The following GRM7 variants were observed in gnomAD, a reference collection of about 807,000 sequenced individuals.
GRM7 encodes the protein metabotropic glutamate receptor 7.
GRM7 carries 35 observed loss-of-function variants against 84.5 expected under a neutral mutation model. The observed-to-expected ratio is 0.41, with a 90% confidence interval of 0.32 to 0.55. GRM7 has a LOEUF of 0.55. Among genes scored for constraint, GRM7 ranks in the 20% least tolerant of loss-of-function variants. The pLI is 0.19. For missense variants in GRM7, 1,003 were observed against 1,194.6 expected, an observed-to-expected ratio of 0.84 and a Z score of 2.36; for synonymous variants, 487 against 455.1, an observed-to-expected ratio of 1.07 and a Z score of -0.89.
chr3:7,097,389 A>T (rs1460529334), intron 1 of GRM7, among the ~76,000 whole-genome samples: 1 of 152,138 alleles, frequency 6.6e-6, no homozygotes, highest in Non-Finnish European at 1.5e-5. Context: ...AACTGAATTG[A>T]TTATTAAAAA....
In GRM7 at chr3:6,940,775, A is replaced by G. The variant is rs1697864555; in HGVS notation, c.519+78868A>G. On this transcript the variant is annotated intron_variant, in intron 1 of 9. Coordinates refer to ENST00000357716, the MANE Select transcript of GRM7 (RefSeq NM_000844.4). ...CATTTTCTATGTAGCTTGGACATCT[A>G]TTTAACAGTCATATCATCTTCATGT... 2.0e-5 allele frequency among the ~76,000 whole-genome samples: 3 copies of G among 152,226 alleles called. No homozygotes were observed. The South Asian group carries it at 6.2e-4, about 32-fold the overall frequency.
intron 1 of GRM7, among the ~76,000 whole-genome samples, chr3:6,971,160 A>G (rs1019178110): frequency 6.7e-6 from 1 of 150,372 alleles, no homozygotes; most frequent in African/African-American, 2.5e-5. Context: ...AAACTGCAGC[A>G]AAGATGATTC....
At chr3:7,736,781 G>A (rs1702514530) in intron 9 of GRM7, among the ~76,000 whole-genome samples, 1 of 152,012 alleles carries the variant, frequency 6.6e-6, no homozygotes, top group Non-Finnish European at 1.5e-5. Context: ...ATAATATTTT[G>A]TTATATTTTG....
chr3:7,309,686 C>T (rs984123), intron 4 of GRM7, among the ~76,000 whole-genome samples: 18,429 of 152,032 alleles, frequency 0.12, 3,087 homozygotes, highest in African/African-American at 0.38. Context: ...AGATTTATTG[C>T]CTCTTTGAAA....
chr3:7,270,449 TTC>T (rs1698812650), intron 2 of GRM7, among the ~76,000 whole-genome samples: 1 of 152,192 alleles, frequency 6.6e-6, no homozygotes, highest in Non-Finnish European at 1.5e-5. Flanking sequence ...TTGTTAAGCA[TTC>T]ATCTGAAAAT....
At chr3:6,983,230 A>G (rs1451833520) in intron 1 of GRM7, among the ~76,000 whole-genome samples, 1 of 152,184 alleles carries the variant, frequency 6.6e-6, no homozygotes, top group Non-Finnish European at 1.5e-5. Context: ...ACTATCCAAG[A>G]TTGTTTGGAG....
At chr3:7,215,858 T>C (rs910918700) in intron 2 of GRM7, among the ~76,000 whole-genome samples, 3 of 152,130 alleles carry the variant, frequency 2.0e-5, no homozygotes, top group African/African-American at 7.2e-5. Context: ...CACAACGTCT[T>C]AGAAAATTGG....
At chr3:7,083,424 C>T (rs1698335970) in intron 1 of GRM7, among the ~76,000 whole-genome samples, 1 of 152,150 alleles carries the variant, frequency 6.6e-6, no homozygotes, top group South Asian at 2.1e-4. Context: ...TTCCTGTGCA[C>T]TGGGAAACCA....
intron 4 of GRM7, among the ~76,000 whole-genome samples, chr3:7,342,228 C>T (rs1048726748): frequency 2.6e-5 from 4 of 152,128 alleles, no homozygotes; most frequent in African/African-American, 9.7e-5. Context: ...ATTTTCAAGA[C>T]AAAACTATGA....
intron 3 of GRM7, among the ~76,000 whole-genome samples, chr3:7,304,771 A>G (rs962363292): frequency 6.6e-6 from 1 of 152,092 alleles, no homozygotes; most frequent in South Asian, 2.1e-4. Flanking sequence ...GTTCTTGATT[A>G]AAGATATGAT....
chr3:7,032,394 G>A (rs779552875), intron 1 of GRM7, among the ~76,000 whole-genome samples: 6 of 152,166 alleles, frequency 3.9e-5, no homozygotes, highest in Non-Finnish European at 8.8e-5. Flanking sequence ...AAGGTTATGT[G>A]AGCATTAAAG....
chr3:7,411,227 A>G lies in GRM7; in HGVS notation c.1034-3796A>G, dbSNP rs552594675. Among the ~76,000 whole-genome samples the G allele has an allele frequency of 3.3e-5, 5 of 152,332 alleles. No individual in the cohort carries two copies. In the South Asian group the frequency reaches 8.3e-4, roughly 25 times the overall value. On this transcript the variant is annotated intron_variant, in intron 4 of 9. Transcript: ENST00000357716. Reference sequence around the variant, plus strand: ...TTGTGATGTAACTTATTGCAATACAATATTAATATATTTTCCAAATAATTC... The same window carrying G: ...TTGTGATGTAACTTATTGCAATACAGTATTAATATATTTTCCAAATAATTC...
intron 4 of GRM7, among the ~76,000 whole-genome samples, chr3:7,394,994 C>T (rs180853601): frequency 2.7e-4 from 41 of 149,462 alleles, no homozygotes; most frequent in African/African-American, 8.6e-4. Flanking sequence ...GCTGAAATTG[C>T]GCCATTGCAC....
At chr3:7,658,312 A>T (rs565625088) in intron 8 of GRM7, among the ~76,000 whole-genome samples, 1 of 152,278 alleles carries the variant, frequency 6.6e-6, no homozygotes, top group East Asian at 1.9e-4. Context: ...TGAGTACAGA[A>T]TGTTCTAAAA....
intron 4 of GRM7, among the ~76,000 whole-genome samples, chr3:7,401,228 G>A (rs186410733): frequency 4.6e-5 from 7 of 152,078 alleles, no homozygotes; most frequent in African/African-American, 7.2e-5. Flanking sequence ...ATTTTCTTTC[G>A]ATACTGTCGC....
At chr3:7,639,642 A>G (rs1405921060) in intron 8 of GRM7, among the ~76,000 whole-genome samples, 1 of 152,130 alleles carries the variant, frequency 6.6e-6, no homozygotes, top group Non-Finnish European at 1.5e-5. Flanking sequence ...ACCTTTTTAA[A>G]TTAGTGATGC....
At chr3:7,514,901 A>G (rs1031728088) in intron 7 of GRM7, among the ~76,000 whole-genome samples, 23 of 152,186 alleles carry the variant, frequency 1.5e-4, no homozygotes, top group Admixed American at 1.4e-3. Context: ...CTAAAACCTA[A>G]TAGTGTTTGG....
intron 2 of GRM7, among the ~76,000 whole-genome samples, chr3:7,293,792 C>A (rs1236378941): frequency 6.6e-6 from 1 of 152,152 alleles, no homozygotes; most frequent in Non-Finnish European, 1.5e-5. Context: ...CTCACAGTGA[C>A]ACACTTGGTA....
chr3:7,274,134 CATAG>C (rs1293419794), intron 2 of GRM7, among the ~76,000 whole-genome samples: 9 of 151,948 alleles, frequency 5.9e-5, no homozygotes, highest in Non-Finnish European at 1.2e-4. Context: ...AATATTTCTT[CATAG>C]GTAGTGCAAG....
Sources: allele counts gnomAD v4.1 joint callset (sites outside exome capture counted in the v4.1 genomes callset), GRCh38; gene constraint gnomAD v4.1.1; transcripts MANE v1.5; gene names NCBI Gene and HGNC (gene_info 2026-07-23, HGNC 2026-07-21).